The following XIRP2 variants were observed in gnomAD, a reference collection of about 807,000 sequenced individuals.
XIRP2 encodes the protein xin actin-binding repeat-containing protein 2.
A neutral mutation model predicts 277.0 loss-of-function variants in XIRP2; 236 were observed. The observed-to-expected ratio is 0.85, with a 90% CI of 0.77 to 0.95. The LOEUF is 0.95. XIRP2 is among the 40% of genes least tolerant of loss of function. XIRP2 has a pLI of 0.00. For synonymous variants in XIRP2, 1,490 were observed against 1,416.5 expected (o/e 1.05, Z -1.17); for missense variants, 4,640 against 4,157.5 (o/e 1.12, Z -3.19).
intron 3 of XIRP2, among the ~76,000 whole-genome samples, chr2:167,193,940 A>G (rs1693425614): frequency 6.6e-6 from 1 of 151,050 alleles, no homozygotes; most frequent in South Asian, 2.1e-4. Context: ...AATTATTTGT[A>G]TTGAGGAAGT....
At chr2:167,219,560 G>A (rs1462870832) in intron 5 of XIRP2, among the ~76,000 whole-genome samples, 3 of 152,194 alleles carry the variant, frequency 2.0e-5, no homozygotes, top group Non-Finnish European at 4.4e-5. Flanking sequence ...GGGTTACACA[G>A]ACCCAGGGCC....
intron 2 of XIRP2, among the ~76,000 whole-genome samples, chr2:166,974,581 T>C (rs1409251726): frequency 2.0e-5 from 3 of 151,946 alleles, no homozygotes; most frequent in Non-Finnish European, 4.4e-5. Context: ...ATAATAACTC[T>C]AAGTAGACTA....
intron 3 of XIRP2, among the ~76,000 whole-genome samples, chr2:167,142,577 AAAAG>A (rs1268032075): frequency 2.0e-5 from 3 of 152,024 alleles, no homozygotes; most frequent in South Asian, 2.1e-4. Context: ...AAAATAAAAA[AAAAG>A]AGAGAAAGAA....
intron 2 of XIRP2, among the ~76,000 whole-genome samples, chr2:167,018,924 T>C (rs538458735): frequency 2.0e-5 from 3 of 152,162 alleles, no homozygotes; most frequent in Non-Finnish European, 4.4e-5. Flanking sequence ...TCATCTTTGA[T>C]GTGAGCACCT....
chr2:167,137,034 C>A (rs1691573461), intron 3 of XIRP2, among the ~76,000 whole-genome samples: 1 of 152,210 alleles, frequency 6.6e-6, no homozygotes, highest in South Asian at 2.1e-4. Context: ...AAATCAGAAT[C>A]TGCATTGTAA....
intron 3 of XIRP2, among the ~76,000 whole-genome samples, chr2:167,160,847 A>G (rs1431676900): frequency 6.6e-6 from 1 of 152,190 alleles, no homozygotes; most frequent in Non-Finnish European, 1.5e-5. Context: ...AAAGTCCACA[A>G]TCCAAAGTCT....
At chr2:166,924,687 A>G (rs1309491837) in intron 2 of XIRP2, among the ~76,000 whole-genome samples, 1 of 152,046 alleles carries the variant, frequency 6.6e-6, no homozygotes, top group Non-Finnish European at 1.5e-5. Context: ...ATAGGATGGC[A>G]AATAACAGAA....
chr2:166,908,269 G>A (rs535465082), intron 2 of XIRP2, among the ~76,000 whole-genome samples: 112 of 152,070 alleles, frequency 7.4e-4, no homozygotes, highest in African/African-American at 2.3e-3. Context: ...TGTCCTCTCC[G>A]GCACCTGTTG....
intron 9 of XIRP2, among the ~76,000 whole-genome samples, 186 bp from the exon 10 acceptor site, chr2:167,253,846 A>G (rs191825579): frequency 0.031 from 4,639 of 151,966 alleles, 99 homozygotes; most frequent in East Asian, 0.1. Context: ...AATGTAGACC[A>G]TCCTAGCAGA....
rs1694320312 is a variant in XIRP2, at chr2:167,218,310, C to T, written c.858+10C>T. 1 of 1,453,440 alleles carries T rather than the reference C, an allele frequency of 6.9e-7. No homozygotes were observed. The allele number at this position is 1,453,440 out of a possible 1,614,324, so 90.0% of individuals were successfully genotyped here. On this transcript the variant is annotated intron_variant, in intron 5 of 10. Coordinates refer to ENST00000409195, the MANE Select transcript of XIRP2 (RefSeq NM_152381.6). ...GAACAGATCTGAGCAGGTAATACTA[C>T]TACAGGTGATGGGTAAATCAGGCAT...
chr2:166,988,365 G>A (rs1217557010), intron 2 of XIRP2, among the ~76,000 whole-genome samples: 1 of 152,108 alleles, frequency 6.6e-6, no homozygotes, highest in Non-Finnish European at 1.5e-5. Context: ...CAGATTAGTC[G>A]AGACACAGGA....
chr2:166,972,395 G>A (rs751453957), intron 2 of XIRP2, among the ~76,000 whole-genome samples: 4 of 152,146 alleles, frequency 2.6e-5, no homozygotes, highest in Non-Finnish European at 5.9e-5. Context: ...TTAGCAGCTC[G>A]ATGATGTCAA....
intron 2 of XIRP2, among the ~76,000 whole-genome samples, chr2:166,976,654 GCTAT>G (rs1686723724): frequency 6.6e-6 from 1 of 152,004 alleles, no homozygotes; most frequent in African/African-American, 2.4e-5. Flanking sequence ...CATCCATTGT[GCTAT>G]CTTTGTCTTA....
intron 2 of XIRP2, among the ~76,000 whole-genome samples, chr2:167,010,445 C>A (rs1441902223): frequency 1.3e-5 from 2 of 151,870 alleles, no homozygotes; most frequent in African/African-American, 2.4e-5. Context: ...GTTTTGGTAC[C>A]AGTACCATGC....
intron 3 of XIRP2, among the ~76,000 whole-genome samples, chr2:167,205,449 G>A (rs905470554): frequency 6.6e-6 from 1 of 152,052 alleles, no homozygotes; most frequent in South Asian, 2.1e-4. Flanking sequence ...GTCACCCGCA[G>A]CTATTATTTT....
In XIRP2 at chr2:167,246,723, G is replaced by T; in HGVS notation, c.5331G>T (p.Glu1777Asp). 1 of 1,613,682 alleles carries T rather than the reference G, an allele frequency of 6.2e-7. No individual in the cohort carries two copies. The highest frequency in any genetic ancestry group is 8.5e-7 in the Non-Finnish European group (1 of 1,179,818). Reference sequence around the variant, plus strand: ...TGACAGCTAAGAAACAAGAAGGAGAGAAAGAAATCATTGGTGGTGATGTTG... The same window carrying T: ...TGACAGCTAAGAAACAAGAAGGAGATAAAGAAATCATTGGTGGTGATGTTG... ...ETLTAKKQEG[E>D]KEIIGGDVEG... The change falls in exon 9 of 11, where the codon GAG becomes GAT. Residue 1777 changes from glutamate to aspartate, a missense_variant. Glu to Asp is a conservative substitution (Grantham distance 45). Transcript: ENST00000409195.
At chr2:167,231,134 C>T (rs1240071647) in intron 5 of XIRP2, among the ~76,000 whole-genome samples, 3 of 152,010 alleles carry the variant, frequency 2.0e-5, no homozygotes, top group Non-Finnish European at 4.4e-5. Flanking sequence ...GATAACCTTG[C>T]AATGCTTAGA....
At chr2:167,037,091 C>G (rs988121653) in intron 2 of XIRP2, among the ~76,000 whole-genome samples, 1 of 152,066 alleles carries the variant, frequency 6.6e-6, no homozygotes, top group Non-Finnish European at 1.5e-5. Context: ...ATACAAGACC[C>G]CAATTCAATA....
intron 2 of XIRP2, among the ~76,000 whole-genome samples, chr2:167,037,518 G>GGGTGTGTGTGTGT (rs1553481078): frequency 1.6e-5 from 2 of 126,382 alleles, no homozygotes; most frequent in African/African-American, 6.5e-5. Context: ...TCATGTGGGG[G>GGGTGTGTGTGTGT]GTGTGTGTGT....
Sources: allele counts gnomAD v4.1 joint callset (sites outside exome capture counted in the v4.1 genomes callset), GRCh38; gene constraint gnomAD v4.1.1; transcripts MANE v1.5; gene names NCBI Gene and HGNC (gene_info 2026-07-23, HGNC 2026-07-21).